The following ETFA variants were observed in gnomAD, a reference collection of about 807,000 sequenced individuals.
ETFA encodes electron transfer flavoprotein subunit alpha, also known as electron transfer flavoprotein subunit alpha, mitochondrial.
ETFA carries 22 observed loss-of-function variants against 46.2 expected under a neutral mutation model. The ratio of observed to expected loss-of-function variants is 0.48; its 90% confidence interval spans 0.34 to 0.68. The LOEUF (loss-of-function observed/expected upper bound fraction) is 0.68. Among genes scored for constraint, ETFA ranks in the 30% least tolerant of loss-of-function variants. The pLI is 0.01. For missense variants in ETFA, 345 were observed against 401.1 expected (o/e 0.86, Z 1.19); for synonymous variants, 131 against 139.9 (o/e 0.94, Z 0.45).
chr15:76,276,632 T>C (rs60561507), intron 8 of ETFA, among the ~76,000 whole-genome samples: 42,964 of 151,712 alleles, frequency 0.28, 6,428 homozygotes, highest in East Asian at 0.57. Context: ...TTGTTGTTGT[T>C]GTTTTTTTCT....
chr15:76,247,379 AT>A (rs992459457), intron 9 of ETFA, among the ~76,000 whole-genome samples: 1 of 152,006 alleles, frequency 6.6e-6, no homozygotes, highest in African/African-American at 2.4e-5. Context: ...ATTTTTTTAG[AT>A]TTTTTTTCAT....
chr15:76,280,917 C>CCT (rs1555458406), intron 8 of ETFA, among the ~76,000 whole-genome samples: 11 of 102,054 alleles, frequency 1.1e-4, no homozygotes, highest in African/African-American at 4.0e-4. Flanking sequence ...GTTCAGATGT[C>CCT]TTTTTTTTTT....
intron 5 of ETFA, among the ~76,000 whole-genome samples, chr15:76,287,481 TAA>T (rs1485001942): frequency 1.3e-5 from 2 of 152,208 alleles, no homozygotes; most frequent in Non-Finnish European, 2.9e-5. Context: ...ATGAATTTCT[TAA>T]TGCCTATGGA....
intron 9 of ETFA, 26 bp downstream of exon 9, chr15:76,274,386 A>G: frequency 2.6e-6 from 4 of 1,523,608 alleles, no homozygotes; most frequent in Non-Finnish European, 3.6e-6. Context: ...AACATTTTAC[A>G]CAGCATATTT....
chr15:76,295,936 C>CCTTTTTTTTTTTTTTTTTTTT (rs2039816100), intron 1 of ETFA, among the ~76,000 whole-genome samples, 199 bp from the exon 2 acceptor site: 6 of 46,602 alleles, frequency 1.3e-4, no homozygotes, highest in African/African-American at 4.0e-4. Context: ...CACTAATATT[C>CCTTTTTTTTTTTTTTTTTTTT]TTTTTTTTTT....
intron 1 of ETFA, among the ~76,000 whole-genome samples, 199 bp from the exon 2 acceptor site, chr15:76,295,936 C>CTTTTTTTTTATTTTTTTTTTTTT (rs2039816772): frequency 2.1e-5 from 1 of 46,602 alleles, no homozygotes; most frequent in Non-Finnish European, 4.2e-5. Context: ...CACTAATATT[C>CTTTTTTTTTATTTTTTTTTTTTT]TTTTTTTTTT....
chr15:76,263,651 G>T (rs1180404777), intron 9 of ETFA, among the ~76,000 whole-genome samples: 2 of 152,164 alleles, frequency 1.3e-5, no homozygotes, highest in African/African-American at 4.8e-5. Context: ...ACAACGGGAA[G>T]AGATTTTAAA....
At chr15:76,243,761 T>C (rs968803565) in intron 9 of ETFA, among the ~76,000 whole-genome samples, 9 of 151,400 alleles carry the variant, frequency 5.9e-5, no homozygotes, top group Admixed American at 5.9e-4. Context: ...ATCATGCTGC[T>C]GCACTCTGGC....
intron 1 of ETFA, among the ~76,000 whole-genome samples, chr15:76,299,021 A>G (rs2039854995): frequency 6.6e-6 from 1 of 152,234 alleles, no homozygotes; most frequent in African/African-American, 2.4e-5. Flanking sequence ...AACAATAGTT[A>G]TGAGAGGAAA....
chr15:76,307,412 A>G (rs910617633), intron 1 of ETFA, among the ~76,000 whole-genome samples: 4 of 152,232 alleles, frequency 2.6e-5, no homozygotes, highest in African/African-American at 9.6e-5. Context: ...TTAGATACCA[A>G]ATGCAAGTCA....
At chr15:76,225,167 T>G (rs1393484521) in intron 11 of ETFA, among the ~76,000 whole-genome samples, 1 of 152,044 alleles carries the variant, frequency 6.6e-6, no homozygotes, top group East Asian at 1.9e-4. Context: ...AATAAGGGGG[T>G]TTGATGTTAA....
In ETFA at chr15:76,228,332, G is replaced by A. The variant is rs116039826; in HGVS notation, c.883-2403C>T. The A allele has an allele frequency of 2.5e-3, 638 of 259,616 alleles. 6 individuals carry two copies. The highest frequency in any genetic ancestry group is 0.014 in the African/African-American group (601 of 44,078). 16.1% of individuals were successfully genotyped at this position (259,616 alleles called of 1,614,324 possible). ...CCTGAGTAGCTGGGACCACAGGGGT[G>A]TACCACCATGCTCAGATAATTCTTT... On this transcript the variant is annotated intron_variant, in intron 10 of 11. Transcript: ENST00000557943.
intron 9 of ETFA, among the ~76,000 whole-genome samples, chr15:76,264,959 T>C (rs1472343169): frequency 2.6e-5 from 4 of 152,222 alleles, no homozygotes; most frequent in African/African-American, 9.7e-5. Context: ...CCATTCTAAA[T>C]TTAGCAAAGA....
intron 9 of ETFA, among the ~76,000 whole-genome samples, chr15:76,234,543 A>G (rs2039102869): frequency 6.6e-6 from 1 of 152,178 alleles, no homozygotes; most frequent in Non-Finnish European, 1.5e-5. Context: ...GAGTACAGCA[A>G]TTAAGGGTTA....
intron 10 of ETFA, chr15:76,230,987 T>A (rs149625118): frequency 1.4e-4 from 34 of 236,798 alleles, no homozygotes; most frequent in Admixed American, 2.5e-4. Flanking sequence ...AAGTCTGATA[T>A]TTTCTATCCA....
At position 76,292,700 on chromosome 15, in the gene ETFA, C is replaced by G; in HGVS notation, c.187G>C (p.Val63Leu). 6.2e-7 allele frequency: 1 copy of G among 1,605,026 alleles called. No individual in the cohort carries two copies. Among genetic ancestry groups the G allele is most frequent in the South Asian group, 1.1e-5 (1 of 90,872 alleles). Reference sequence around the variant, plus strand: ...GCTACTTTACAGAGATCTTGTGCCACCTATGATTAAAAGATAAGTTCCTAA... The same window carrying G: ...GCTACTTTACAGAGATCTTGTGCCAGCTATGATTAAAAGATAAGTTCCTAA... ...CLVAGTKCDK[V>L]AQDLCKVAGI... Residue 63 changes from valine (V) to leucine (L), a missense_variant and splice_region_variant, in exon 3 of 12, where the codon GTG becomes CTG. Physicochemically the swap from Val to Leu is conservative, Grantham distance 32 (BLOSUM62 1). Coordinates refer to ENST00000557943, the MANE Select transcript of ETFA (RefSeq NM_000126.4).
intron 9 of ETFA, among the ~76,000 whole-genome samples, chr15:76,238,275 A>T (rs2039148082): frequency 6.6e-6 from 1 of 152,240 alleles, no homozygotes; most frequent in African/African-American, 2.4e-5. Flanking sequence ...TGGAGCATTC[A>T]GAGCAGAAAT....
intron 9 of ETFA, chr15:76,274,025 C>A: frequency 4.9e-6 from 1 of 205,510 alleles, no homozygotes; most frequent in Non-Finnish European, 1.0e-5. Flanking sequence ...TTTCAAAATT[C>A]TGTTCATTAA....
intron 1 of ETFA, among the ~76,000 whole-genome samples, chr15:76,303,789 A>G (rs1389372824): frequency 1.3e-5 from 2 of 152,234 alleles, no homozygotes; most frequent in Non-Finnish European, 2.9e-5. Flanking sequence ...TTAAAACTCA[A>G]AAAACAACAG....
Sources: gnomAD v4.1 joint callset for allele counts (sites outside exome capture counted in the v4.1 genomes callset) on GRCh38, gnomAD v4.1.1 for gene constraint, MANE v1.5 for transcripts, NCBI Gene and HGNC (gene_info 2026-07-23, HGNC 2026-07-21) for gene names.